Variants in ARIH1 observed in about 807,000 individuals in gnomAD.
ARIH1 encodes the protein ariadne RBR E3 ubiquitin protein ligase 1, also known as E3 ubiquitin-protein ligase ARIH1.
Under a neutral mutation model 85.0 loss-of-function variants are expected in ARIH1, and 8 were observed. The ratio of observed to expected loss-of-function variants is 0.09; its 90% confidence interval spans 0.06 to 0.17. The LOEUF (loss-of-function observed/expected upper bound fraction) is 0.17. ARIH1 is among the 10% of genes least tolerant of loss of function. ARIH1 has a pLI of 1.00. For missense variants in ARIH1, 311 were observed against 718.1 expected, an observed-to-expected ratio of 0.43 and a Z score of 6.48; for synonymous variants, 238 against 253.6, an observed-to-expected ratio of 0.94 and a Z score of 0.59.
At chr15:72,572,872 C>G (rs2064254794) in intron 11 of ARIH1, among the ~76,000 whole-genome samples, 3 of 152,164 alleles carry the variant, frequency 2.0e-5, no homozygotes, top group African/African-American at 7.2e-5. Flanking sequence ...TATGGAGTGT[C>G]TCAGGAACTG....
chr15:72,496,804 C>T, intron 1 of ARIH1: 2 of 985,424 alleles, frequency 2.0e-6, no homozygotes, highest in Non-Finnish European at 2.4e-6. Flanking sequence ...ATATTGGGTA[C>T]TTCCAGAAGT....
Position 72,589,898 on chromosome 15 carries a change from C to T in ARIH1, c.*6606C>T, listed in dbSNP as rs2064335134. The T allele has an allele frequency of 1.3e-5, 2 of 152,050 alleles. No homozygotes were observed. Among genetic ancestry groups the T allele is most frequent in the African/African-American group, 4.8e-5 (2 of 41,384 alleles). The allele number at this position is 152,050 out of a possible 1,614,324, so 9.4% of individuals were successfully genotyped here. On this transcript the variant is annotated 3_prime_UTR_variant, in exon 14 of 14. Coordinates refer to ENST00000379887, the MANE Select transcript of ARIH1 (RefSeq NM_005744.5). ...GACTTGAACTCCTAGTCTCAGCCAACCCCTTCTGCCTCAGCCTCCTGAGTA... is the reference window on the plus strand; with the variant it reads ...GACTTGAACTCCTAGTCTCAGCCAATCCCTTCTGCCTCAGCCTCCTGAGTA...
chr15:72,520,825 AAG>A (rs527456207), intron 2 of ARIH1, among the ~76,000 whole-genome samples: 167 of 152,160 alleles, frequency 1.1e-3, no homozygotes, highest in African/African-American at 4.0e-3. Context: ...TCAGCTTGAT[AAG>A]TTGATGTTTG....
At chr15:72,514,247 G>C (rs1286428157) in intron 1 of ARIH1, among the ~76,000 whole-genome samples, 2 of 152,070 alleles carry the variant, frequency 1.3e-5, no homozygotes, top group African/African-American at 4.8e-5. Context: ...ATAGGGGCCT[G>C]AGAGATTGTT....
At chr15:72,565,973 TTC>T (rs200833263) in intron 7 of ARIH1, among the ~76,000 whole-genome samples, 2,078 of 152,346 alleles carry the variant, frequency 0.014, 21 homozygotes, top group Non-Finnish European at 0.022. Flanking sequence ...TTAATTATAC[TTC>T]TTTTACAAGT....
chr15:72,515,161 C>T (rs561749064), intron 1 of ARIH1, among the ~76,000 whole-genome samples: 1 of 152,078 alleles, frequency 6.6e-6, no homozygotes, highest in South Asian at 2.1e-4. Flanking sequence ...CATGGAGAAA[C>T]CCTGTCTCTA....
rs908386116 is a variant in ARIH1, at chr15:72,586,988, G to A, written c.*3696G>A. 1 of 343,766 alleles carries A rather than the reference G, an allele frequency of 2.9e-6. No individual in the cohort carries two copies. The highest frequency in any genetic ancestry group is 7.9e-5 in the East Asian group (1 of 12,624). 21.3% of individuals were successfully genotyped at this position (343,766 alleles called of 1,614,324 possible). A position where few individuals can be genotyped will look rare whatever the true frequency, so the allele number is the denominator to read the frequency against. On this transcript the variant is annotated 3_prime_UTR_variant, in exon 14 of 14. Transcript: ENST00000379887. ...GAGTTTTCTTAAAGAAGGTCCCAAA[G>A]TTGAAGATCGTTTGTCATTGATACT... is the stretch of plus-strand genomic sequence containing the variant.
At position 72,590,132 on chromosome 15, in the gene ARIH1, G is replaced by C. The variant is rs907270169; in HGVS notation, c.*6840G>C. ...CACAGTGCCGGGCACTGGCAGTACA[G>C]CAGTGAACAAAAGGTCTGTTGGTTT... On this transcript the variant is annotated 3_prime_UTR_variant, in exon 14 of 14. Coordinates refer to ENST00000379887, the MANE Select transcript of ARIH1 (RefSeq NM_005744.5). The C allele has an allele frequency of 2.0e-5, 3 of 152,256 alleles. No individual in the cohort carries two copies. Among genetic ancestry groups the C allele is most frequent in the African/African-American group, 7.2e-5 (3 of 41,452 alleles). The allele number at this position is 152,256 out of a possible 1,614,324, so 9.4% of individuals were successfully genotyped here.
intron 1 of ARIH1, among the ~76,000 whole-genome samples, chr15:72,478,527 AAC>A (rs1420060844): frequency 6.6e-6 from 1 of 152,202 alleles, no homozygotes; most frequent in African/African-American, 2.4e-5. Context: ...GTTTTTCCAC[AAC>A]AGTGTTCAGC....
chr15:72,557,829 T>C (rs1169369028), intron 5 of ARIH1, among the ~76,000 whole-genome samples: 1 of 152,200 alleles, frequency 6.6e-6, no homozygotes, highest in Non-Finnish European at 1.5e-5. Context: ...GATTGCATTA[T>C]TAATTTGGCG....
rs1052599903 is a variant in ARIH1 at position 72,552,605 on chromosome 15, A to AAAC, written c.589-2654_589-2652dup. Reference sequence around the variant, plus strand: ...GTGCCCAGCCCTATTGGATTTTTTTAAACAACAACAACAAAAAAAAACAAG... The same window carrying AAAC: ...GTGCCCAGCCCTATTGGATTTTTTTAAACAACAACAACAACAAAAAAAAACAAG... On this transcript the variant is annotated intron_variant, in intron 3 of 13. Transcript: ENST00000379887. Among the ~76,000 whole-genome samples, 8 of 151,762 alleles carry AAAC rather than the reference A, an allele frequency of 5.3e-5. No homozygotes were observed. The East Asian group carries it at 7.8e-4, about 15-fold the overall frequency.
intron 1 of ARIH1, among the ~76,000 whole-genome samples, chr15:72,497,434 G>A (rs902086102): frequency 2.1e-5 from 3 of 146,294 alleles, no homozygotes; most frequent in African/African-American, 7.3e-5. Context: ...CTAAATGATA[G>A]CAGTTATAAT....
At chr15:72,561,278 A>T (rs1312316609) in intron 5 of ARIH1, among the ~76,000 whole-genome samples, 2 of 152,248 alleles carry the variant, frequency 1.3e-5, no homozygotes, top group African/African-American at 4.8e-5. Context: ...AAAAAAGTCT[A>T]TGAAAATAAA....
At chr15:72,579,201 T>C (rs1595875200) in intron 11 of ARIH1, among the ~76,000 whole-genome samples, 1 of 152,200 alleles carries the variant, frequency 6.6e-6, no homozygotes, top group African/African-American at 2.4e-5. Context: ...TCCCCCCTCC[T>C]TGCTTTTTTT....
chr15:72,580,463 G>T (rs2064291032), intron 11 of ARIH1: 2 of 418,812 alleles, frequency 4.8e-6, no homozygotes, highest in Non-Finnish European at 4.3e-6. Context: ...GGGATTGCTG[G>T]ATTCTGTGGT....
rs1281700268 is a variant in ARIH1, at chr15:72,486,695, T to A, written c.375+11681T>A. ...TTTTTTTTTCATTTTTAAAAATGAC[T>A]TTTTTTTTTTTTTTTTTTTTGAGAC... On this transcript the variant is annotated intron_variant, in intron 1 of 13. Transcript: ENST00000379887. 5.4e-4 allele frequency among the ~76,000 whole-genome samples: 8 copies of A among 14,704 alleles called. No individual in the cohort carries two copies. In the East Asian group the frequency reaches 0.031, roughly 56 times the overall value. The allele number at this position is 14,704 out of a possible 152,430, so 9.6% of individuals were successfully genotyped here. A position where few individuals can be genotyped will look rare whatever the true frequency, so the allele number is the denominator to read the frequency against.
At position 72,585,619 on chromosome 15, in the gene ARIH1, G is replaced by C. The variant is rs1232616767; in HGVS notation, c.*2327G>C. ...CTGTTGCAACAAATACCCAAAAATT[G>C]TGTGTGCACTTCCTAATACCAGTCT... On this transcript the variant is annotated 3_prime_UTR_variant, in exon 14 of 14. Coordinates refer to ENST00000379887, the MANE Select transcript of ARIH1 (RefSeq NM_005744.5). 6.6e-6 allele frequency: 1 copy of C among 152,074 alleles called. No individual in the cohort carries two copies. Among genetic ancestry groups the C allele is most frequent in the Non-Finnish European group, 1.5e-5 (1 of 68,022 alleles). 9.4% of individuals were successfully genotyped at this position (152,074 alleles called of 1,614,324 possible).
intron 10 of ARIH1, among the ~76,000 whole-genome samples, chr15:72,571,279 C>A (rs921522402): frequency 6.6e-6 from 1 of 152,070 alleles, no homozygotes; most frequent in Non-Finnish European, 1.5e-5. Flanking sequence ...GTATGTTTCC[C>A]ATCCTCTGTA....
intron 1 of ARIH1, among the ~76,000 whole-genome samples, chr15:72,489,768 A>G (rs2063851750): frequency 6.6e-6 from 1 of 152,196 alleles, no homozygotes; most frequent in South Asian, 2.1e-4. Flanking sequence ...TCAAATTTCC[A>G]CACACTACCA....
Sources: gnomAD v4.1 joint callset for allele counts (sites outside exome capture counted in the v4.1 genomes callset) on GRCh38, gnomAD v4.1.1 for gene constraint, MANE v1.5 for transcripts, NCBI Gene and HGNC (gene_info 2026-07-23, HGNC 2026-07-21) for gene names.